Variants in SLC2A5 observed in about 807,000 individuals in gnomAD.
SLC2A5 encodes solute carrier family 2, facilitated glucose transporter member 5.
In SLC2A5, 56 loss-of-function variants were observed where a neutral mutation model predicts 50.3. The ratio of observed to expected loss-of-function variants is 1.11; its 90% confidence interval spans 0.90 to 1.39. The LOEUF (loss-of-function observed/expected upper bound fraction) is 1.39. Among genes scored for constraint, SLC2A5 ranks in the 40% most tolerant of loss-of-function variants. The probability of loss-of-function intolerance (pLI) is 0.00; values close to 1 mark genes in which losing one functional copy is unlikely to be tolerated. For synonymous variants in SLC2A5, 269 were observed against 281.9 expected, an observed-to-expected ratio of 0.95 and a Z score of 0.46; for missense variants, 566 against 650.1, an observed-to-expected ratio of 0.87 and a Z score of 1.41.
At position 9,037,647 on chromosome 1, in the gene SLC2A5, G is replaced by A. The variant is rs1641166132; in HGVS notation, c.1445C>T (p.Ser482Phe). Residue 482 changes from serine (S) to phenylalanine (F), a missense_variant, in exon 12 of 12, where the codon TCT (serine) becomes TTT (phenylalanine). By Grantham distance (155) the Ser-to-Phe change is radical. Coordinates refer to ENST00000377424, the MANE Select transcript of SLC2A5 (RefSeq NM_003039.3). The part of the protein sequence containing the change: ...NQIFTKMNKV[S>F]EVYPEKEELK... ...TTCCTCCTTTTCCGGGTACACTTCA[G>A]ACACCTTATTCATCTTGGTGAAAAT... 6.2e-7 allele frequency: 1 copy of A among 1,614,194 alleles called. No individual in the cohort carries two copies. Among genetic ancestry groups the A allele is most frequent in the South Asian group, 1.1e-5 (1 of 91,080 alleles).
rs202244308 is a variant in SLC2A5, at chr1:9,057,548, A to T, written c.193T>A (p.Phe65Ile). Residue 65 changes from phenylalanine to isoleucine, a missense_variant, in exon 3 of 12, where the codon TTC (phenylalanine) becomes ATC (isoleucine). Phe to Ile is a conservative substitution (Grantham distance 21, BLOSUM62 0). Coordinates refer to ENST00000377424, the MANE Select transcript of SLC2A5 (RefSeq NM_003039.3). ...ACAGACCACAGCAACGTCAAGGGGAAGTCTTCCATGAATTCACCGGTCCTA... is the reference window on the plus strand; with the variant it reads ...ACAGACCACAGCAACGTCAAGGGGATGTCTTCCATGAATTCACCGGTCCTA... ...YGRTGEFMED[F>I]PLTLLWSVTV... 192 of 1,613,810 alleles carry T rather than the reference A, an allele frequency of 1.2e-4. No homozygotes were observed. The highest frequency in any genetic ancestry group is 1.7e-4 in the Admixed American group (10 of 59,972).
In SLC2A5 at chr1:9,041,942, G is replaced by A; in HGVS notation, c.419-5C>T. ...GGACCACGTTGGAAGATACACCTGG[G>A]AGGAGGTGAAATAGAAACACCATCA... On this transcript the variant is annotated splice_region_variant and splice_polypyrimidine_tract_variant and intron_variant, in intron 4 of 11. Coordinates refer to ENST00000377424, the MANE Select transcript of SLC2A5 (RefSeq NM_003039.3). The A allele has an allele frequency of 1.3e-6, 2 of 1,583,380 alleles. No homozygotes were observed. The highest frequency in any genetic ancestry group is 1.1e-5 in the South Asian group (1 of 87,106).
At chr1:9,046,170 C>T (rs772976783) in intron 4 of SLC2A5, among the ~76,000 whole-genome samples, 1 of 152,088 alleles carries the variant, frequency 6.6e-6, no homozygotes, top group Non-Finnish European at 1.5e-5. Flanking sequence ...CAGTGAGGCA[C>T]CTGGGAGGGG....
rs58582852 is a variant in SLC2A5, at chr1:9,040,959, C to T, written c.572-770G>A. ...TGAGACCTTGGACCAGTCTTCCAAT[C>T]TCTCTGTACCTGTGATGCACCTGCA... On this transcript the variant is annotated intron_variant, in intron 5 of 11. Transcript: ENST00000377424. The surrounding 1 kb of genome is among the most constrained non-coding windows in gnomAD (Gnocchi z 4.3). 0.014 allele frequency: 2,228 copies of T among 156,276 alleles called. 56 individuals carry two copies. The highest frequency in any genetic ancestry group is 0.049 in the African/African-American group (2,053 of 41,738). The allele number at this position is 156,276 out of a possible 1,614,324, so 9.7% of individuals were successfully genotyped here. A position where few individuals can be genotyped will look rare whatever the true frequency, so the allele number is the denominator to read the frequency against.
At chr1:9,062,199 C>T (rs1303543506) in intron 1 of SLC2A5, among the ~76,000 whole-genome samples, 1 of 152,174 alleles carries the variant, frequency 6.6e-6, no homozygotes, top group African/African-American at 2.4e-5. Flanking sequence ...CTGCCCCCAG[C>T]AGACTATTGT....
At chr1:9,039,486 C>A (rs1641233411) in intron 8 of SLC2A5, 66 bp downstream of exon 8, 1 of 1,232,412 alleles carries the variant, frequency 8.1e-7, no homozygotes, top group South Asian at 1.5e-5. Flanking sequence ...TTGGCGGCGC[C>A]GAGGCTGGGG....
intron 1 of SLC2A5, among the ~76,000 whole-genome samples, chr1:9,063,694 T>TAC (rs1642005587): frequency 1.0e-5 from 1 of 97,374 alleles, no homozygotes; most frequent in Non-Finnish European, 2.0e-5. Context: ...TTTTTTTTTT[T>TAC]TTTTTTTTTT....
rs779644892 is a variant in SLC2A5 at position 9,038,813 on chromosome 1, C to T, written c.1098+15G>A. ...GGTGCAGCTCCGGGCTCCTGGGACC[C>T]TGGCCTGTCCTCACCTGCAGTGCCA... On this transcript the variant is annotated intron_variant, in intron 9 of 11. Transcript: ENST00000377424. 1 of 1,580,156 alleles carries T rather than the reference C, an allele frequency of 6.3e-7. No individual in the cohort carries two copies.
At chr1:9,069,735 C>G, upstream of SLC2A5, 1 of 623,482 alleles carries the variant, frequency 1.6e-6, no homozygotes, top group Non-Finnish European at 2.8e-6. Context: ...AATGAAACGT[C>G]TGGGGTTTGG....
At chr1:9,045,177 G>A in intron 4 of SLC2A5, among the ~76,000 whole-genome samples, 1 of 152,148 alleles carries the variant, frequency 6.6e-6, no homozygotes. Context: ...GAATTCAGCT[G>A]TCTTCTATTA....
In SLC2A5 at chr1:9,065,641, G is replaced by A. The variant is rs994947319; in HGVS notation, c.33+3863C>T. On this transcript the variant is annotated intron_variant, in intron 1 of 11. Coordinates refer to ENST00000377424, the MANE Select transcript of SLC2A5 (RefSeq NM_003039.3). ...GCCCAGGAGTGTGGGCTCGAAGCCT[G>A]GCTCTGCTGGGCTGTGTGGCCTTGG... Among the ~76,000 whole-genome samples, 7 of 152,280 alleles carry A rather than the reference G, an allele frequency of 4.6e-5. No homozygotes were observed. In the South Asian group the frequency reaches 1.0e-3, roughly 23 times the overall value.
Position 9,039,788 on chromosome 1 carries a change from C to G in SLC2A5, c.885+12G>C, listed in dbSNP as rs751093090. ...GCCCTCCCCAGCTCCCGAGCCGCAG[C>G]CCGGCCCATACAGCGTTGACGCCCG... On this transcript the variant is annotated intron_variant, in intron 7 of 11. Transcript: ENST00000377424. 6.5e-7 allele frequency: 1 copy of G among 1,537,698 alleles called. No individual in the cohort carries two copies. Among genetic ancestry groups the G allele is most frequent in the East Asian group, 2.5e-5 (1 of 40,018 alleles).
At chr1:9,081,387 T>C (rs1175773510) in intron 2 of SLC2A5, among the ~76,000 whole-genome samples, 1 of 149,164 alleles carries the variant, frequency 6.7e-6, no homozygotes, top group Non-Finnish European at 1.5e-5. Flanking sequence ...TGTGCCTATA[T>C]TCCCAGCGAC....
intron 4 of SLC2A5, among the ~76,000 whole-genome samples, chr1:9,045,697 C>T (rs1174783128): frequency 2.0e-5 from 3 of 151,862 alleles, no homozygotes; most frequent in Non-Finnish European, 4.4e-5. Flanking sequence ...TAGTGAAACC[C>T]CATCTCTACC....
chr1:9,038,281 A>G lies in SLC2A5; in HGVS notation c.1174+150T>C, dbSNP rs1351298306. The G allele has an allele frequency of 5.7e-6, 4 of 698,690 alleles. No homozygotes were observed. In the East Asian group the frequency reaches 7.8e-5, roughly 14 times the overall value. 43.3% of individuals were successfully genotyped at this position (698,690 alleles called of 1,614,324 possible). On this transcript the variant is annotated intron_variant, in intron 10 of 11. Transcript: ENST00000377424. ...ACCATTTTACCATTTCGCTCTCATTATGTGCCACCCACCCCCTTGCGGTGG... is the reference window on the plus strand; with the variant it reads ...ACCATTTTACCATTTCGCTCTCATTGTGTGCCACCCACCCCCTTGCGGTGG...
At chr1:9,067,308 T>C (rs1642107764) in intron 1 of SLC2A5, among the ~76,000 whole-genome samples, 1 of 151,920 alleles carries the variant, frequency 6.6e-6, no homozygotes, top group African/African-American at 2.4e-5. Context: ...CCCACCTTCA[T>C]CCCTCTGGCC....
intron 5 of SLC2A5, chr1:9,041,312 T>C: frequency 2.1e-6 from 1 of 470,188 alleles, no homozygotes; most frequent in Non-Finnish European, 3.4e-6. Flanking sequence ...TGGGATGTCC[T>C]CACCACCTCC....
At chr1:9,066,852 C>T (rs901185891) in intron 1 of SLC2A5, among the ~76,000 whole-genome samples, 1 of 151,970 alleles carries the variant, frequency 6.6e-6, no homozygotes, top group African/African-American at 2.4e-5. Context: ...GTGCTACATG[C>T]CTGTAGTCCC....
chr1:9,042,763 A>G (rs974432549), intron 4 of SLC2A5, among the ~76,000 whole-genome samples: 1 of 151,910 alleles, frequency 6.6e-6, no homozygotes, highest in Admixed American at 6.6e-5. Context: ...CCCCAGCTTT[A>G]CCTTATAGGA....
Sources: gnomAD v4.1 joint callset for allele counts (sites outside exome capture counted in the v4.1 genomes callset) on GRCh38, gnomAD v4.1.1 for gene constraint, Gnocchi (gnomAD v3.1) non-coding constraint, MANE v1.5 for transcripts, NCBI Gene and HGNC (gene_info 2026-07-23, HGNC 2026-07-21) for gene names.